RUNX2: variants seen among roughly 807,000 people sequenced by gnomAD.
RUNX2 encodes the protein RUNX family transcription factor 2.
Under a neutral mutation model 51.7 loss-of-function variants are expected in RUNX2, and 10 were observed. The ratio of observed to expected loss-of-function variants is 0.19; its 90% CI spans 0.12 to 0.33. RUNX2 has a LOEUF of 0.33. Among genes scored for constraint, RUNX2 ranks in the 10% least tolerant of loss-of-function variants. The probability of loss-of-function intolerance (pLI) is 1.00; values close to 1 mark genes in which losing one functional copy is unlikely to be tolerated. For missense variants in RUNX2, 562 were observed against 691.3 expected, an observed-to-expected ratio of 0.81 and a Z score of 2.10; for synonymous variants, 276 against 273.6, an observed-to-expected ratio of 1.01 and a Z score of -0.09.
At chr6:45,336,693 T>G (rs1788626713) in intron 2 of RUNX2, among the ~76,000 whole-genome samples, 1 of 151,376 alleles carries the variant, frequency 6.6e-6, no homozygotes, top group Admixed American at 6.6e-5. Context: ...AGAAATACTG[T>G]AACACAGTAT....
intron 2 of RUNX2, among the ~76,000 whole-genome samples, chr6:45,395,074 A>G (rs1423925812): frequency 6.6e-6 from 1 of 152,148 alleles, no homozygotes; most frequent in Non-Finnish European, 1.5e-5. Flanking sequence ...AAGTGTCCCT[A>G]CTAGGCTTCA....
chr6:45,529,513 A>G (rs908033575), intron 7 of RUNX2, among the ~76,000 whole-genome samples: 1 of 151,738 alleles, frequency 6.6e-6, no homozygotes, highest in Non-Finnish European at 1.5e-5. Flanking sequence ...TGTCAAACCT[A>G]GTTTTTAACC....
At position 45,506,189 on chromosome 6, in the gene RUNX2, T is replaced by C. The variant is rs375059463; in HGVS notation, c.860-6057T>C. Among the ~76,000 whole-genome samples, 11 of 152,258 alleles carry C rather than the reference T, an allele frequency of 7.2e-5. No individual in the cohort carries two copies. The East Asian group carries it at 9.6e-4, about 13-fold the overall frequency. On this transcript the variant is annotated intron_variant, in intron 6 of 8. Coordinates refer to ENST00000647337, the MANE Select transcript of RUNX2 (RefSeq NM_001024630.4). ...GGGGACCCCTTTCTTCCTGGGTTCA[T>C]CCTCAGGGCCCGCAGGAGCAGCCCT...
In RUNX2 at chr6:45,547,655, C is replaced by G. The variant is rs926124896; in HGVS notation, c.*350C>G. 1.5e-5 allele frequency: 5 copies of G among 327,170 alleles called. No individual in the cohort carries two copies. Among genetic ancestry groups the G allele is most frequent in the African/African-American group, 8.7e-5 (4 of 46,150 alleles). The allele number at this position is 327,170 out of a possible 1,614,324, so 20.3% of individuals were successfully genotyped here. On this transcript the variant is annotated 3_prime_UTR_variant, in exon 9 of 9. Transcript: ENST00000647337. ...ATATGCCAATTCAGAGAGGTGGACT[C>G]CAGGTTCAGGAGGGAGAAGAGCAAA...
Position 45,422,708 on chromosome 6 carries a change from A to ACAGCAGCAG in RUNX2, c.186_194dup (p.Gln69_Gln71dup), listed in dbSNP as rs759395776. On this transcript the variant is annotated inframe_insertion, in exon 3 of 9. Transcript: ENST00000647337. ...AGCAGCAGCAACAGCAGCAGCAGCAACAGCAGCAGCAGCAGCAGCAACAGC... is the reference window on the plus strand; with the variant it reads ...AGCAGCAGCAACAGCAGCAGCAGCAACAGCAGCAGCAGCAGCAGCAGCAGCAGCAACAGC... 2.8e-5 allele frequency: 44 copies of ACAGCAGCAG among 1,583,284 alleles called. No individual in the cohort carries two copies. Among genetic ancestry groups the ACAGCAGCAG allele is most frequent in the African/African-American group, 4.1e-5 (3 of 73,008 alleles).
intron 2 of RUNX2, among the ~76,000 whole-genome samples, chr6:45,402,277 A>G (rs535389801): frequency 1.2e-4 from 18 of 152,346 alleles, no homozygotes; most frequent in East Asian, 9.6e-4. Context: ...AAATTTTGCA[A>G]ATTTCCTCAT....
intron 7 of RUNX2, among the ~76,000 whole-genome samples, chr6:45,533,227 T>C (rs1352765528): frequency 6.6e-6 from 1 of 152,192 alleles, no homozygotes. Flanking sequence ...AAATTTGCTC[T>C]AGTATTTGTT....
At position 45,422,874 on chromosome 6, in the gene RUNX2, G is replaced by A. The variant is rs1798260254; in HGVS notation, c.340G>A (p.Val114Ile). 2 of 1,612,262 alleles carry A rather than the reference G, an allele frequency of 1.2e-6. No homozygotes were observed. The highest frequency in any genetic ancestry group is 1.7e-6 in the Non-Finnish European group (2 of 1,179,582). ...EIIADHPAEL[V>I]RTDSPNFLCS... is the part of the protein sequence containing the mutation. The stretch of plus-strand genomic sequence containing the variant: ...CATCGCCGACCACCCGGCCGAACTC[G>A]TCCGCACCGACAGCCCCAACTTCCT... Residue 114 changes from valine to isoleucine, a missense_variant, in exon 3 of 9, where the codon GTC (valine) becomes ATC (isoleucine). By Grantham distance (29) the Val-to-Ile change is conservative (BLOSUM62 3). Transcript: ENST00000647337.
chr6:45,446,739 T>A (rs754258860), intron 5 of RUNX2, among the ~76,000 whole-genome samples: 2 of 152,214 alleles, frequency 1.3e-5, no homozygotes, highest in African/African-American at 2.4e-5. Flanking sequence ...ATTTATGATG[T>A]CAACTAAAGA....
chr6:45,395,775 A>G (rs1797568673), intron 2 of RUNX2, among the ~76,000 whole-genome samples: 2 of 152,152 alleles, frequency 1.3e-5, no homozygotes, highest in African/African-American at 4.8e-5. Flanking sequence ...TCAAGCAATC[A>G]TGCCTCAGCC....
chr6:45,429,511 A>G (rs549041807), intron 3 of RUNX2, among the ~76,000 whole-genome samples: 1 of 152,210 alleles, frequency 6.6e-6, no homozygotes, highest in African/African-American at 2.4e-5. Context: ...GAGATATGAG[A>G]TGACGTGTAC....
At chr6:45,377,151 T>G (rs1050101093) in intron 2 of RUNX2, among the ~76,000 whole-genome samples, 1 of 152,192 alleles carries the variant, frequency 6.6e-6, no homozygotes, top group African/African-American at 2.4e-5. Context: ...AGAGCTAATA[T>G]GTACTGAGCA....
At chr6:45,358,513 C>T (rs927618788) in intron 2 of RUNX2, among the ~76,000 whole-genome samples, 4 of 152,124 alleles carry the variant, frequency 2.6e-5, no homozygotes, top group African/African-American at 9.7e-5. Flanking sequence ...ACTTGAATTA[C>T]TTTTTATAAA....
At chr6:45,448,699 T>C in intron 5 of RUNX2, among the ~76,000 whole-genome samples, 1 of 152,130 alleles carries the variant, frequency 6.6e-6, no homozygotes, top group East Asian at 1.9e-4. Context: ...ATTCTCATCT[T>C]CTCATTTACC....
At chr6:45,515,991 T>A (rs1428900092) in intron 7 of RUNX2, among the ~76,000 whole-genome samples, 3 of 152,186 alleles carry the variant, frequency 2.0e-5, no homozygotes, top group Non-Finnish European at 2.9e-5. Flanking sequence ...TTAATCTACC[T>A]AAAGACCTTC....
intron 3 of RUNX2, among the ~76,000 whole-genome samples, chr6:45,423,882 C>T (rs1798308980): frequency 6.6e-6 from 1 of 152,226 alleles, no homozygotes; most frequent in Non-Finnish European, 1.5e-5. Context: ...CTTCTTCCAG[C>T]CGGGACCGAG....
intron 7 of RUNX2, among the ~76,000 whole-genome samples, chr6:45,516,649 T>C (rs1485891983): frequency 3.3e-5 from 5 of 152,236 alleles, no homozygotes; most frequent in Non-Finnish European, 7.3e-5. Context: ...TATTTCTCAT[T>C]GATTCTAGTC....
intron 4 of RUNX2, among the ~76,000 whole-genome samples, chr6:45,436,232 A>G (rs1022969393): frequency 6.6e-6 from 1 of 152,160 alleles, no homozygotes; most frequent in African/African-American, 2.4e-5. Flanking sequence ...GAAATAAATT[A>G]CTTATTAATT....
At chr6:45,360,799 G>A (rs555677953) in intron 2 of RUNX2, among the ~76,000 whole-genome samples, 2 of 152,222 alleles carry the variant, frequency 1.3e-5, no homozygotes, top group South Asian at 4.1e-4. Flanking sequence ...TCCAGGAAGC[G>A]GGCAGAACTA....
Sources: gnomAD v4.1 joint callset for allele counts (sites outside exome capture counted in the v4.1 genomes callset) on GRCh38, gnomAD v4.1.1 for gene constraint, MANE v1.5 for transcripts, NCBI Gene and HGNC (gene_info 2026-07-23, HGNC 2026-07-21) for gene names.